Variants in PAX5 observed in about 807,000 individuals in gnomAD.
PAX5 encodes paired box 5.
In PAX5, 9 loss-of-function variants were observed where a neutral mutation model predicts 43.7. That is an observed-to-expected ratio of 0.21 (90% CI 0.12 to 0.36). The LOEUF is 0.36. PAX5 is among the 10% of genes least tolerant of loss of function. The pLI, the probability that PAX5 is intolerant of heterozygous loss-of-function variation, is 1.00. For synonymous variants in PAX5, 228 were observed against 214.3 expected (o/e 1.06, Z -0.56); for missense variants, 383 against 532.7 (o/e 0.72, Z 2.77).
At chr9:36,952,809 C>T (rs962239111) in intron 6 of PAX5, among the ~76,000 whole-genome samples, 1 of 152,172 alleles carries the variant, frequency 6.6e-6, no homozygotes, top group Non-Finnish European at 1.5e-5. Flanking sequence ...TTTCACTTAT[C>T]CATATGTAAT....
At chr9:36,919,839 C>CAAAAAAA (rs61173333) in intron 7 of PAX5, among the ~76,000 whole-genome samples, 14 of 66,220 alleles carry the variant, frequency 2.1e-4, no homozygotes, top group East Asian at 3.6e-4. Flanking sequence ...GACTCTGTCT[C>CAAAAAAA]AAAAAAAAAA....
At chr9:36,982,684 A>G (rs1836043202) in intron 5 of PAX5, among the ~76,000 whole-genome samples, 1 of 152,170 alleles carries the variant, frequency 6.6e-6, no homozygotes. Flanking sequence ...GGGTGGGGCT[A>G]TGCTCACTGA....
intron 5 of PAX5, among the ~76,000 whole-genome samples, 192 bp from the exon 6 acceptor site, chr9:36,966,916 C>G (rs546364345): frequency 6.6e-6 from 1 of 152,310 alleles, no homozygotes; most frequent in East Asian, 1.9e-4. Flanking sequence ...AGTCAGCCTC[C>G]CGCAGCCATG....
At chr9:36,931,100 T>C (rs1831082061) in intron 6 of PAX5, among the ~76,000 whole-genome samples, 1 of 152,052 alleles carries the variant, frequency 6.6e-6, no homozygotes, top group South Asian at 2.1e-4. Flanking sequence ...TCCTGTAGGC[T>C]CACCGCCAGG....
intron 7 of PAX5, among the ~76,000 whole-genome samples, chr9:36,915,419 T>A (rs976422728): frequency 6.6e-6 from 1 of 152,246 alleles, no homozygotes; most frequent in Non-Finnish European, 1.5e-5. Context: ...ATGATTGTTT[T>A]AATTTACAGT....
chr9:36,856,831 C>T (rs2005154), intron 8 of PAX5, among the ~76,000 whole-genome samples: 130,990 of 152,210 alleles, frequency 0.86, 56,382 homozygotes, highest in Middle Eastern at 0.9. Flanking sequence ...AGACTGAAGC[C>T]GGATTACAAA....
chr9:36,955,777 A>AT (rs1833399611), intron 6 of PAX5, among the ~76,000 whole-genome samples: 1 of 74,092 alleles, frequency 1.3e-5, no homozygotes, highest in Non-Finnish European at 3.4e-5. Context: ...TTTCAAAAAA[A>AT]AAAAAATATA....
At chr9:37,031,472 C>G (rs1174219215) in intron 1 of PAX5, among the ~76,000 whole-genome samples, 1 of 152,178 alleles carries the variant, frequency 6.6e-6, no homozygotes, top group East Asian at 1.9e-4. Flanking sequence ...CCATCCAGGT[C>G]TGCCCGGATC....
At position 36,834,012 on chromosome 9, in the gene PAX5, T is replaced by G; in HGVS notation, c.*6548A>C. ...CAAAGAATTAAAAGCAAAATGCATG[T>G]GTCTTCCTGGCAAAGGTTTCCATTT... On this transcript the variant is annotated 3_prime_UTR_variant, in exon 10 of 10. Coordinates refer to ENST00000358127, the MANE Select transcript of PAX5 (RefSeq NM_016734.3). The G allele has an allele frequency of 4.3e-6, 1 of 233,216 alleles. No individual in the cohort carries two copies. The highest frequency in any genetic ancestry group is 8.5e-6 in the Non-Finnish European group (1 of 118,000). The allele number at this position is 233,216 out of a possible 1,614,324, so 14.4% of individuals were successfully genotyped here.
intron 7 of PAX5, among the ~76,000 whole-genome samples, chr9:36,910,684 C>T (rs994291505): frequency 2.6e-5 from 4 of 152,196 alleles, no homozygotes; most frequent in Non-Finnish European, 5.9e-5. Flanking sequence ...AAGGAAATCA[C>T]TTCAACTGAG....
intron 6 of PAX5, among the ~76,000 whole-genome samples, chr9:36,941,345 T>C (rs1443770543): frequency 1.3e-5 from 2 of 152,226 alleles, no homozygotes; most frequent in South Asian, 2.1e-4. Context: ...TCTATTCTTT[T>C]TACTACCGCT....
intron 8 of PAX5, among the ~76,000 whole-genome samples, chr9:36,852,628 C>A (rs182228949): frequency 8.5e-5 from 13 of 152,352 alleles, no homozygotes; most frequent in African/African-American, 2.6e-4. Context: ...GCAGAAGGAA[C>A]GTGGCTTCCC....
At chr9:36,964,386 C>T (rs962051408) in intron 6 of PAX5, among the ~76,000 whole-genome samples, 85 of 151,792 alleles carry the variant, frequency 5.6e-4, no homozygotes, top group African/African-American at 1.6e-3. Context: ...GTCCGGAGTC[C>T]AAGACTAAGC....
intron 3 of PAX5, among the ~76,000 whole-genome samples, chr9:37,012,829 T>A (rs1161052550): frequency 6.6e-6 from 1 of 152,216 alleles, no homozygotes; most frequent in Non-Finnish European, 1.5e-5. Context: ...TTAAAATAAA[T>A]GTATTAGAAA....
At position 36,837,514 on chromosome 9, in the gene PAX5, C is replaced by A. The variant is rs1821724831; in HGVS notation, c.*3046G>T. 1 of 233,166 alleles carries A rather than the reference C, an allele frequency of 4.3e-6. No homozygotes were observed. The highest frequency in any genetic ancestry group is 1.8e-4 in the South Asian group (1 of 5,528). 14.4% of individuals were successfully genotyped at this position (233,166 alleles called of 1,614,324 possible). A position where few individuals can be genotyped will look rare whatever the true frequency, so the allele number is the denominator to read the frequency against. On this transcript the variant is annotated 3_prime_UTR_variant, in exon 10 of 10. Transcript: ENST00000358127. ...CTTCTGCCACGATGCTGGTGAGGCC[C>A]CGGACTTGTGTTTTCCATTCAGAAT...
At chr9:36,899,127 C>T (rs968686310) in intron 7 of PAX5, among the ~76,000 whole-genome samples, 3 of 152,214 alleles carry the variant, frequency 2.0e-5, no homozygotes, top group African/African-American at 7.2e-5. Context: ...TGCTTTCCCC[C>T]AACTCGCCTC....
rs1022888707 is a variant in PAX5, at chr9:36,863,381, G to A, written c.1013-16452C>T. On this transcript the variant is annotated intron_variant, in intron 8 of 9. Coordinates refer to ENST00000358127, the MANE Select transcript of PAX5 (RefSeq NM_016734.3). The stretch of plus-strand genomic sequence containing the variant: ...TGGTCTCACACGAGCCTCCCGCCTC[G>A]GCCTCCCCGAGTGCTGGGATTACAG... Among the ~76,000 whole-genome samples the A allele has an allele frequency of 5.3e-5, 8 of 152,244 alleles. 1 individual carries two copies. In the East Asian group the frequency reaches 1.5e-3, roughly 29 times the overall value.
At chr9:36,928,201 G>A (rs771166725) in intron 6 of PAX5, among the ~76,000 whole-genome samples, 2 of 152,190 alleles carry the variant, frequency 1.3e-5, no homozygotes, top group Non-Finnish European at 2.9e-5. Flanking sequence ...ATTTTTAAAG[G>A]CAACTGCATT....
In PAX5 at chr9:36,897,598, G is replaced by A. The variant is rs115820104; in HGVS notation, c.911-15493C>T. On this transcript the variant is annotated intron_variant, in intron 7 of 9. Coordinates refer to ENST00000358127, the MANE Select transcript of PAX5 (RefSeq NM_016734.3). The stretch of plus-strand genomic sequence containing the variant: ...CTGCAGGTGAGAAGAAGAAACTCCT[G>A]CAAGGGCAGGGTCTTGCCCAGAGGG... Among the ~76,000 whole-genome samples the A allele has an allele frequency of 6.3e-3, 957 of 152,202 alleles. 9 individuals are homozygous for A. The highest frequency in any genetic ancestry group is 0.021 in the African/African-American group (880 of 41,522).
Sources: gnomAD v4.1 joint callset for allele counts (sites outside exome capture counted in the v4.1 genomes callset) on GRCh38, gnomAD v4.1.1 for gene constraint, MANE v1.5 for transcripts, NCBI Gene and HGNC (gene_info 2026-07-23, HGNC 2026-07-21) for gene names.